Variants in NTM observed in about 807,000 individuals in gnomAD.
The protein encoded by NTM is neurotrimin, also known as IgLON family member 2.
A neutral mutation model predicts 42.1 loss-of-function variants in NTM; 13 were observed. The observed-to-expected ratio is 0.31, with a 90% confidence interval of 0.20 to 0.49. NTM has a LOEUF of 0.49. Among genes scored for constraint, NTM ranks in the 20% least tolerant of loss-of-function variants. NTM has a pLI of 0.99. For synonymous variants in NTM, 187 were observed against 179.2 expected, an observed-to-expected ratio of 1.04 and a Z score of -0.35; for missense variants, 373 against 452.8, an observed-to-expected ratio of 0.82 and a Z score of 1.60.
chr11:132,103,775 T>C (rs1218680574), intron 2 of NTM, among the ~76,000 whole-genome samples: 1 of 152,204 alleles, frequency 6.6e-6, no homozygotes, highest in Middle Eastern at 3.2e-3. Context: ...CTTCCGAGAC[T>C]TAATTTCCTT....
rs1439180391 is a variant in NTM, at chr11:131,789,551, A to G, written c.83-122013A>G. On this transcript the variant is annotated intron_variant, in intron 1 of 8. Coordinates refer to ENST00000683400, the MANE Select transcript of NTM (RefSeq NM_001352005.2). The stretch of plus-strand genomic sequence containing the variant: ...AGAAGAAGAAGAAGAAGAAGAAAAG[A>G]AGAAGAAGAAGAAGAAGAAGAAGAA... Among the ~76,000 whole-genome samples, 5 of 8,672 alleles carry G rather than the reference A, an allele frequency of 5.8e-4. 1 individual carries two copies. The highest frequency in any genetic ancestry group is 2.0e-3 in the African/African-American group (3 of 1,464). The allele number at this position is 8,672 out of a possible 152,430, so 5.7% of individuals were successfully genotyped here.
At chr11:131,376,211 G>C (rs1424424626) in intron 1 of NTM, among the ~76,000 whole-genome samples, 1 of 152,130 alleles carries the variant, frequency 6.6e-6, no homozygotes, top group African/African-American at 2.4e-5. Flanking sequence ...TCCCCAAAAG[G>C]TTCTCTGGGA....
chr11:132,072,666 T>C (rs941206127), intron 2 of NTM, among the ~76,000 whole-genome samples: 1 of 152,212 alleles, frequency 6.6e-6, no homozygotes, highest in African/African-American at 2.4e-5. Flanking sequence ...TAAATCTTTC[T>C]TGTTATCACC....
At chr11:131,573,614 C>G (rs1244412372) in intron 1 of NTM, 1 of 152,190 alleles carries the variant, frequency 6.6e-6, no homozygotes, top group Non-Finnish European at 1.5e-5. Context: ...AACAGTTCCC[C>G]CTCCTATGAT....
intron 1 of NTM, among the ~76,000 whole-genome samples, chr11:131,484,413 G>T (rs1424470360): frequency 1.3e-5 from 2 of 152,188 alleles, no homozygotes; most frequent in Non-Finnish European, 2.9e-5. Flanking sequence ...AGGCAAAATG[G>T]TCCTTCCTTT....
chr11:132,121,562 A>G (rs1490874771), intron 2 of NTM, among the ~76,000 whole-genome samples: 1 of 152,156 alleles, frequency 6.6e-6, no homozygotes, highest in Admixed American at 6.5e-5. Context: ...TCCCAGCTCT[A>G]TTCTTGCCAA....
intron 1 of NTM, among the ~76,000 whole-genome samples, chr11:131,863,206 G>A (rs2046822476): frequency 1.3e-5 from 2 of 152,220 alleles, no homozygotes; most frequent in African/African-American, 4.8e-5. Context: ...AGGCAGTGAA[G>A]AAAGGGGGAA....
At chr11:131,860,228 T>C (rs2046495103) in intron 1 of NTM, among the ~76,000 whole-genome samples, 1 of 152,192 alleles carries the variant, frequency 6.6e-6, no homozygotes, top group Non-Finnish European at 1.5e-5. Flanking sequence ...ATCTCGTGTT[T>C]GGAGGGTCTC....
chr11:131,850,562 TA>T (rs1387143947), intron 1 of NTM, among the ~76,000 whole-genome samples: 1 of 152,266 alleles, frequency 6.6e-6, no homozygotes, highest in Admixed American at 6.5e-5. Context: ...CTTCCAAAAA[TA>T]AGGTCTTTGT....
chr11:132,251,735 G>C (rs1332681424), intron 4 of NTM, among the ~76,000 whole-genome samples: 1 of 152,144 alleles, frequency 6.6e-6, no homozygotes, highest in Non-Finnish European at 1.5e-5. Flanking sequence ...AATGATCCTC[G>C]GTGTGTATTT....
chr11:131,628,871 G>A (rs963586074), intron 1 of NTM, among the ~76,000 whole-genome samples: 4 of 152,252 alleles, frequency 2.6e-5, no homozygotes, highest in African/African-American at 7.2e-5. Context: ...TCCAGTTGGG[G>A]TGATGGGCCA....
At chr11:131,879,675 T>C (rs1180604401) in intron 1 of NTM, among the ~76,000 whole-genome samples, 1 of 152,336 alleles carries the variant, frequency 6.6e-6, no homozygotes, top group Non-Finnish European at 1.5e-5. Flanking sequence ...TTGAAAAATA[T>C]TGATTTTTTT....
intron 7 of NTM, among the ~76,000 whole-genome samples, chr11:132,323,227 T>C (rs1184509832): frequency 2.0e-5 from 3 of 150,154 alleles, no homozygotes; most frequent in African/African-American, 7.4e-5. Flanking sequence ...TTCAAAAAAT[T>C]GATGAATCCA....
intron 2 of NTM, among the ~76,000 whole-genome samples, chr11:131,948,343 T>C (rs1476877693): frequency 4.1e-5 from 6 of 148,032 alleles, no homozygotes; most frequent in Admixed American, 2.0e-4. Context: ...CCAGCCTGGG[T>C]GACACAGTGA....
chr11:131,457,342 C>T (rs1950983329), intron 1 of NTM, among the ~76,000 whole-genome samples: 1 of 151,972 alleles, frequency 6.6e-6, no homozygotes, highest in Admixed American at 6.6e-5. Flanking sequence ...AGGAGGCCCC[C>T]TGCATGCAGT....
At chr11:131,580,570 G>A (rs1334943603) in intron 1 of NTM, among the ~76,000 whole-genome samples, 1 of 152,150 alleles carries the variant, frequency 6.6e-6, no homozygotes, top group African/African-American at 2.4e-5. Context: ...AGAACCCACA[G>A]AACTGTCTCC....
At chr11:132,163,935 C>G (rs1566347843) in intron 3 of NTM, among the ~76,000 whole-genome samples, 1 of 151,878 alleles carries the variant, frequency 6.6e-6, no homozygotes. Context: ...TGTTGTTTAC[C>G]CATGTTGAGA....
At chr11:131,421,401 G>T (rs532621002) in intron 1 of NTM, among the ~76,000 whole-genome samples, 1 of 152,340 alleles carries the variant, frequency 6.6e-6, no homozygotes, top group East Asian at 1.9e-4. Context: ...CCCTGCCTGG[G>T]GGGAGAGGAG....
At chr11:131,894,055 G>T (rs944798775) in intron 1 of NTM, among the ~76,000 whole-genome samples, 1 of 152,344 alleles carries the variant, frequency 6.6e-6, no homozygotes, top group South Asian at 2.1e-4. Flanking sequence ...CAGTAGGAAA[G>T]AAGGAAGGAG....
Sources: allele counts gnomAD v4.1 joint callset (sites outside exome capture counted in the v4.1 genomes callset), GRCh38; gene constraint gnomAD v4.1.1; transcripts MANE v1.5; gene names NCBI Gene and HGNC (gene_info 2026-07-23, HGNC 2026-07-21).